WDR45B: variants seen among roughly 807,000 people sequenced by gnomAD.
WDR45B encodes WD repeat domain 45B.
WDR45B carries 20 observed loss-of-function variants against 44.6 expected under a neutral mutation model. The observed-to-expected ratio is 0.45, with a 90% confidence interval of 0.32 to 0.65. The LOEUF (loss-of-function observed/expected upper bound fraction) is 0.65, where lower values mean the gene tolerates loss of function less well. WDR45B is among the 30% of genes least tolerant of loss of function. The probability of loss-of-function intolerance (pLI) is 0.05; values close to 1 mark genes in which losing one functional copy is unlikely to be tolerated. For missense variants in WDR45B, 323 were observed against 430.2 expected (o/e 0.75, Z 2.20); for synonymous variants, 169 against 164.9 (o/e 1.02, Z -0.19).
intron 5 of WDR45B, among the ~76,000 whole-genome samples, chr17:82,624,611 G>A (rs1323872074): frequency 6.9e-6 from 1 of 144,166 alleles, no homozygotes; most frequent in Non-Finnish European, 1.5e-5. Flanking sequence ...TACAATGACG[G>A]AAATTTATTG....
chr17:82,645,297 C>CAA (rs573297154), intron 1 of WDR45B, among the ~76,000 whole-genome samples: 7 of 125,856 alleles, frequency 5.6e-5, no homozygotes, highest in South Asian at 2.5e-4. Flanking sequence ...GACTCCGTCT[C>CAA]AAAAAAAAAA....
intron 1 of WDR45B, 117 bp downstream of exon 1, chr17:82,648,157 G>T: frequency 8.3e-7 from 1 of 1,206,850 alleles, no homozygotes; most frequent in Non-Finnish European, 1.1e-6. Context: ...GGGCGGGGCC[G>T]GGGTCCCGGG....
intron 2 of WDR45B, 50 bp downstream of exon 2, chr17:82,643,899 T>G: frequency 6.3e-7 from 1 of 1,584,406 alleles, no homozygotes; most frequent in East Asian, 2.3e-5. Context: ...AATTTAAGAC[T>G]CCGAGGGTTG....
chr17:82,618,205 C>G (rs1257959041), intron 7 of WDR45B, among the ~76,000 whole-genome samples: 2 of 152,234 alleles, frequency 1.3e-5, no homozygotes, highest in Non-Finnish European at 2.9e-5. Flanking sequence ...GCTGGGATTA[C>G]AGGCGGGAGC....
chr17:82,639,604 C>T (rs1483193125), intron 2 of WDR45B, among the ~76,000 whole-genome samples: 3 of 150,998 alleles, frequency 2.0e-5, no homozygotes, highest in Admixed American at 6.6e-5. Flanking sequence ...GGTGAGCACA[C>T]AGCACGAAGC....
At chr17:82,640,865 C>T (rs756482706) in intron 2 of WDR45B, among the ~76,000 whole-genome samples, 23 of 152,026 alleles carry the variant, frequency 1.5e-4, no homozygotes, top group Non-Finnish European at 3.1e-4. Flanking sequence ...CAGACACAGC[C>T]GAGCTGGCAG....
In WDR45B at chr17:82,630,827, G is replaced by A. The variant is rs1193889943; in HGVS notation, c.244+94C>T. 44 of 1,240,318 alleles carry A rather than the reference G, an allele frequency of 3.5e-5. No individual in the cohort carries two copies. In the East Asian group the frequency reaches 9.6e-4, roughly 27 times the overall value. The allele number at this position is 1,240,318 out of a possible 1,614,324, so 76.8% of individuals were successfully genotyped here. A position where few individuals can be genotyped will look rare whatever the true frequency, so the allele number is the denominator to read the frequency against. On this transcript the variant is annotated intron_variant, in intron 3 of 9. Coordinates refer to ENST00000392325, the MANE Select transcript of WDR45B (RefSeq NM_019613.4). Reference sequence around the variant, plus strand: ...TCCTGGATATTTCACAGAACTACTAGGGAAAATCACACATGGCCACAAACA... The same window carrying A: ...TCCTGGATATTTCACAGAACTACTAAGGAAAATCACACATGGCCACAAACA...
At chr17:82,631,099 C>CA in intron 2 of WDR45B, 77 bp from the exon 3 acceptor site, 2 of 1,439,048 alleles carry the variant, frequency 1.4e-6, no homozygotes, top group Non-Finnish European at 1.9e-6. Flanking sequence ...AAGAGAAAGT[C>CA]AAGACAGGTA....
chr17:82,618,972 C>G, intron 7 of WDR45B, 71 bp downstream of exon 7: 1 of 1,496,464 alleles, frequency 6.7e-7, no homozygotes, highest in Non-Finnish European at 9.3e-7. Flanking sequence ...CCCCCTCTCC[C>G]AAATCCCAAA....
intron 1 of WDR45B, 112 bp downstream of exon 1, chr17:82,648,162 C>G (rs1234180505): frequency 7.9e-7 from 1 of 1,268,654 alleles, no homozygotes; most frequent in African/African-American, 1.6e-5. Context: ...GGGCCGGGGT[C>G]CCGGGTGGAA....
At chr17:82,634,598 A>T (rs923935315) in intron 2 of WDR45B, among the ~76,000 whole-genome samples, 2 of 152,052 alleles carry the variant, frequency 1.3e-5, no homozygotes, top group Admixed American at 6.6e-5. Context: ...CCGCACACCC[A>T]CGCTTGTAGC....
At chr17:82,636,060 C>T (rs1219521120) in intron 2 of WDR45B, among the ~76,000 whole-genome samples, 3 of 151,834 alleles carry the variant, frequency 2.0e-5, no homozygotes, top group Non-Finnish European at 4.4e-5. Context: ...GCACTCTAGC[C>T]TGGGCAACAA....
intron 8 of WDR45B, 21 bp downstream of exon 8, chr17:82,617,275 A>C: frequency 6.2e-7 from 1 of 1,609,588 alleles, no homozygotes; most frequent in Non-Finnish European, 8.5e-7. Flanking sequence ...GCTTTTCCCC[A>C]GCAGGCATCC....
At chr17:82,632,278 C>T (rs566226853) in intron 2 of WDR45B, among the ~76,000 whole-genome samples, 25 of 152,094 alleles carry the variant, frequency 1.6e-4, no homozygotes, top group Admixed American at 9.8e-4. Context: ...CCTCCTGCTT[C>T]AGCCTCCCGA....
chr17:82,640,969 G>GTTTTTTTTTTTT (rs398031785), intron 2 of WDR45B, among the ~76,000 whole-genome samples: 1 of 131,856 alleles, frequency 7.6e-6, no homozygotes, highest in African/African-American at 2.9e-5. Context: ...TCTTGTCTGG[G>GTTTTTTTTTTTT]TTTTTTTTTT....
chr17:82,629,908 C>T, intron 3 of WDR45B: 2 of 985,336 alleles, frequency 2.0e-6, no homozygotes, highest in Non-Finnish European at 2.4e-6. Flanking sequence ...CCCCAGAGCC[C>T]CATCCTGGTC....
chr17:82,634,086 C>T (rs1321310098), intron 2 of WDR45B, among the ~76,000 whole-genome samples: 4 of 119,880 alleles, frequency 3.3e-5, no homozygotes, highest in Admixed American at 3.3e-4. Context: ...GGGAAGCGGA[C>T]GTTGCAGTGA....
intron 2 of WDR45B, among the ~76,000 whole-genome samples, chr17:82,632,648 G>A (rs1008792782): frequency 3.9e-5 from 6 of 152,084 alleles, no homozygotes; most frequent in African/African-American, 1.4e-4. Context: ...CCACTTCTGT[G>A]TCTGCAATGA....
chr17:82,623,730 CTCATTA>C (rs1416205698), intron 5 of WDR45B, among the ~76,000 whole-genome samples: 1 of 151,246 alleles, frequency 6.6e-6, no homozygotes, highest in Non-Finnish European at 1.5e-5. Flanking sequence ...ATTCTTACAT[CTCATTA>C]TAAGATAAAC....
Sources: gnomAD v4.1 joint callset for allele counts (sites outside exome capture counted in the v4.1 genomes callset) on GRCh38, gnomAD v4.1.1 for gene constraint, MANE v1.5 for transcripts, NCBI Gene and HGNC (gene_info 2026-07-23, HGNC 2026-07-21) for gene names.